Variants in NAA35 observed in about 807,000 individuals in gnomAD.
NAA35 encodes MAK10 homolog, amino-acid N-acetyltransferase subunit.
Under a neutral mutation model 101.7 loss-of-function variants are expected in NAA35, and 18 were observed. The ratio of observed to expected loss-of-function variants is 0.18; its 90% CI spans 0.12 to 0.26. NAA35 has a LOEUF of 0.26. NAA35 is among the 10% of genes least tolerant of loss of function. The pLI is 1.00. For synonymous variants in NAA35, 267 were observed against 273.1 expected, an observed-to-expected ratio of 0.98 and a Z score of 0.22; for missense variants, 601 against 886.8, an observed-to-expected ratio of 0.68 and a Z score of 4.09.
rs150315041 is a variant in NAA35 at position 86,007,775 on chromosome 9, A to C, written c.1223+311A>C. ...GAGGCTGAAAGGATTGCATGCAGAA[A>C]GAATCATCATTTGAAAGCTGGCATT... On this transcript the variant is annotated intron_variant, in intron 14 of 22. Coordinates refer to ENST00000361671, the MANE Select transcript of NAA35 (RefSeq NM_024635.4). Among the ~76,000 whole-genome samples the C allele has an allele frequency of 2.4e-4, 36 of 152,298 alleles. No individual in the cohort carries two copies. The East Asian group carries it at 6.6e-3, about 28-fold the overall frequency.
At position 86,022,157 on chromosome 9, in the gene NAA35, C is replaced by A. The variant is rs944210820; in HGVS notation, c.*197C>A. ...CTGTTTTAAAGTGGTTTATTATGTT[C>A]CATGGAAGAAACTGGTCTTATTGAA... On this transcript the variant is annotated 3_prime_UTR_variant, in exon 23 of 23. Coordinates refer to ENST00000361671, the MANE Select transcript of NAA35 (RefSeq NM_024635.4). The A allele has an allele frequency of 8.5e-6, 4 of 471,736 alleles. No individual in the cohort carries two copies. Among genetic ancestry groups the A allele is most frequent in the African/African-American group, 2.0e-5 (1 of 49,964 alleles). 29.2% of individuals were successfully genotyped at this position (471,736 alleles called of 1,614,324 possible). A position where few individuals can be genotyped will look rare whatever the true frequency, so the allele number is the denominator to read the frequency against.
intron 11 of NAA35, among the ~76,000 whole-genome samples, chr9:85,993,484 A>G (rs551080622): frequency 3.9e-5 from 6 of 152,300 alleles, no homozygotes; most frequent in African/African-American, 7.2e-5. Flanking sequence ...AGGCTAATCC[A>G]TAGGGACAGG....
chr9:85,989,973 T>C (rs919057073), intron 11 of NAA35, among the ~76,000 whole-genome samples: 4 of 152,204 alleles, frequency 2.6e-5, no homozygotes, highest in African/African-American at 9.6e-5. Context: ...TTATTCAAGT[T>C]TGGTGCTTGT....
chr9:85,960,461 C>T (rs1169682450), intron 5 of NAA35, among the ~76,000 whole-genome samples: 1 of 152,058 alleles, frequency 6.6e-6, no homozygotes, highest in African/African-American at 2.4e-5. Flanking sequence ...GTTCATTCAG[C>T]ATTTATTGAT....
chr9:86,016,500 TAGACATCTA>T, intron 17 of NAA35, 30 bp from the exon 18 acceptor site: 2 of 1,584,678 alleles, frequency 1.3e-6, no homozygotes, highest in Non-Finnish European at 1.7e-6. Context: ...CTGTCTCATT[TAGACATCTA>T]CCATTAACTA....
chr9:86,010,224 A>G (rs1021653913), intron 15 of NAA35, among the ~76,000 whole-genome samples: 3 of 152,094 alleles, frequency 2.0e-5, no homozygotes, highest in African/African-American at 4.8e-5. Flanking sequence ...CCTGGGGGAC[A>G]GAGTGAGACT....
chr9:85,977,259 T>G, intron 9 of NAA35, 104 bp from the exon 10 acceptor site: 1 of 807,858 alleles, frequency 1.2e-6, no homozygotes, highest in Non-Finnish European at 2.1e-6. Context: ...GCCTGTAATG[T>G]AGTAAGTTAT....
At chr9:85,951,175 A>G (rs979516165) in intron 2 of NAA35, among the ~76,000 whole-genome samples, 1 of 152,152 alleles carries the variant, frequency 6.6e-6, no homozygotes, top group Non-Finnish European at 1.5e-5. Flanking sequence ...GCATGTTAAC[A>G]TAAATAACAT....
In NAA35 at chr9:86,023,026, T is replaced by G. The variant is rs1832635335; in HGVS notation, c.*1066T>G. Among the ~76,000 whole-genome samples the G allele has an allele frequency of 6.6e-6, 1 of 152,160 alleles. No individual in the cohort carries two copies. Among genetic ancestry groups the G allele is most frequent in the Non-Finnish European group, 1.5e-5 (1 of 68,018 alleles). On this transcript the variant is annotated 3_prime_UTR_variant, in exon 23 of 23. Transcript: ENST00000361671. ...GGTTCTCAGCTTCAAATATCTTAAC[T>G]CTGATTTGGTACCTTTCATAAAAAC... is the stretch of plus-strand genomic sequence containing the variant.
At chr9:85,969,112 A>G (rs1457706625) in intron 6 of NAA35, among the ~76,000 whole-genome samples, 1 of 151,950 alleles carries the variant, frequency 6.6e-6, no homozygotes, top group Non-Finnish European at 1.5e-5. Context: ...GTGTCATTCT[A>G]GTTTTTTGTT....
At chr9:85,983,952 G>A (rs573205339) in intron 11 of NAA35, among the ~76,000 whole-genome samples, 47 of 151,110 alleles carry the variant, frequency 3.1e-4, no homozygotes, top group Non-Finnish European at 6.2e-4. Flanking sequence ...ATCTAATAAA[G>A]GTAAGTAAAT....
chr9:85,996,673 A>G lies in NAA35; in HGVS notation c.1056+96A>G, dbSNP rs1831174060. On this transcript the variant is annotated intron_variant, in intron 12 of 22. Coordinates refer to ENST00000361671, the MANE Select transcript of NAA35 (RefSeq NM_024635.4). ...TTTATGTGGTAACTTTGGTTTAACA[A>G]CAGAATAATTGATTGCTTTATAGAC... The G allele has an allele frequency of 4.4e-6, 4 of 904,030 alleles. No individual in the cohort carries two copies. In the East Asian group the frequency reaches 8.3e-5, roughly 19 times the overall value. 56.0% of individuals were successfully genotyped at this position (904,030 alleles called of 1,614,324 possible).
intron 5 of NAA35, among the ~76,000 whole-genome samples, chr9:85,961,241 C>T (rs546568722): frequency 2.2e-4 from 33 of 152,170 alleles, no homozygotes; most frequent in Non-Finnish European, 4.7e-4. Context: ...AATGCAGTAG[C>T]GTATGTCTTA....
intron 2 of NAA35, among the ~76,000 whole-genome samples, chr9:85,947,790 A>G (rs951725929): frequency 6.6e-5 from 10 of 151,654 alleles, no homozygotes; most frequent in African/African-American, 2.4e-4. Context: ...TACTTTCAAG[A>G]AGGTTCAGCT....
chr9:86,010,569 A>ATT lies in NAA35; in HGVS notation c.1290+660_1290+661dup, dbSNP rs377654981. Among the ~76,000 whole-genome samples the ATT allele has an allele frequency of 8.1e-4, 96 of 118,674 alleles. 1 individual carries two copies. The highest frequency in any genetic ancestry group is 1.0e-3 in the Non-Finnish European group (60 of 59,622). The allele number at this position is 118,674 out of a possible 152,430, so 77.9% of individuals were successfully genotyped here. On this transcript the variant is annotated intron_variant, in intron 15 of 22. Transcript: ENST00000361671. ...CTTTACTTTTTTTTTTAACCTTAGA[A>ATT]TTTTTTTTTTTTTTTTTTTTTTTAA...
At chr9:85,986,564 C>A in intron 11 of NAA35, 1 of 401,910 alleles carries the variant, frequency 2.5e-6, no homozygotes, top group Non-Finnish European at 4.9e-6. Flanking sequence ...TTGTTTTTTG[C>A]CAATGTGTAG....
Position 85,974,961 on chromosome 9 carries a change from G to C in NAA35, c.517-6G>C. 1 of 1,606,574 alleles carries C rather than the reference G, an allele frequency of 6.2e-7. No individual in the cohort carries two copies. Among genetic ancestry groups the C allele is most frequent in the South Asian group, 1.1e-5 (1 of 90,144 alleles). ...TCATGAGCCTGATTATTTCCTTTTTGTATAGGAAGATTTTCAGTCAATGAC... is the reference window on the plus strand; with the variant it reads ...TCATGAGCCTGATTATTTCCTTTTTCTATAGGAAGATTTTCAGTCAATGAC... On this transcript the variant is annotated splice_polypyrimidine_tract_variant and splice_region_variant and intron_variant, in intron 6 of 22. Coordinates refer to ENST00000361671, the MANE Select transcript of NAA35 (RefSeq NM_024635.4).
intron 2 of NAA35, among the ~76,000 whole-genome samples, chr9:85,951,594 G>A (rs1389480819): frequency 6.6e-6 from 1 of 152,120 alleles, no homozygotes; most frequent in Non-Finnish European, 1.5e-5. Context: ...TTTGTAACAT[G>A]CACTGCCATT....
At chr9:85,970,677 A>G (rs1829962950) in intron 6 of NAA35, among the ~76,000 whole-genome samples, 1 of 152,222 alleles carries the variant, frequency 6.6e-6, no homozygotes, top group South Asian at 2.1e-4. Context: ...ACTACAAAGT[A>G]CTATTCAAAA....
Sources: allele counts gnomAD v4.1 joint callset (sites outside exome capture counted in the v4.1 genomes callset), GRCh38; gene constraint gnomAD v4.1.1; transcripts MANE v1.5; gene names NCBI Gene and HGNC (gene_info 2026-07-23, HGNC 2026-07-21).